The following CDH18 variants were observed in gnomAD, a reference collection of about 807,000 sequenced individuals.
CDH18 encodes cadherin-18.
In CDH18, 31 loss-of-function variants were observed where a neutral mutation model predicts 67.9. That is an observed-to-expected ratio of 0.46 (90% CI 0.34 to 0.62). The LOEUF (loss-of-function observed/expected upper bound fraction) is 0.62. CDH18 is among the 20% of genes least tolerant of loss of function. The pLI is 0.01. For missense variants in CDH18, 890 were observed against 975.5 expected, an observed-to-expected ratio of 0.91 and a Z score of 1.17; for synonymous variants, 362 against 347.2, an observed-to-expected ratio of 1.04 and a Z score of -0.48.
At chr5:20,221,503 T>C (rs556431214) in intron 2 of CDH18, among the ~76,000 whole-genome samples, 2 of 152,154 alleles carry the variant, frequency 1.3e-5, no homozygotes, top group Non-Finnish European at 2.9e-5. Flanking sequence ...GCGATGGTTA[T>C]TGGGTACAGA....
chr5:19,990,284 T>G (rs969352113), upstream of CDH18, among the ~76,000 whole-genome samples: 2 of 152,230 alleles, frequency 1.3e-5, no homozygotes, highest in African/African-American at 4.8e-5. Context: ...TTTATTTGAC[T>G]GCCTCTAGTT....
At chr5:19,795,260 G>A (rs1776743580) in intron 3 of CDH18, among the ~76,000 whole-genome samples, 2 of 152,100 alleles carry the variant, frequency 1.3e-5, no homozygotes, top group South Asian at 4.2e-4. Flanking sequence ...GGAAAGAGTT[G>A]ACAACAGTTA....
intron 2 of CDH18, among the ~76,000 whole-genome samples, chr5:20,019,888 G>C (rs1018258565): frequency 3.3e-5 from 5 of 152,206 alleles, no homozygotes; most frequent in African/African-American, 1.2e-4. Context: ...ATTAGGGAAA[G>C]TTTAGAATTT....
At chr5:19,823,007 G>A (rs1423817498) in intron 3 of CDH18, among the ~76,000 whole-genome samples, 1 of 152,160 alleles carries the variant, frequency 6.6e-6, no homozygotes, top group African/African-American at 2.4e-5. Context: ...GTTCCTTGCT[G>A]AGAAAAAGAA....
intron 5 of CDH18, among the ~76,000 whole-genome samples, chr5:19,701,586 TC>T (rs1050243250): frequency 4.4e-4 from 67 of 152,266 alleles, no homozygotes; most frequent in African/African-American, 1.6e-3. Flanking sequence ...AAAGTCTGGT[TC>T]CCCCGAAGTC....
intron 2 of CDH18, among the ~76,000 whole-genome samples, chr5:20,142,400 C>G (rs556292303): frequency 6.4e-4 from 97 of 151,728 alleles, no homozygotes; most frequent in South Asian, 4.0e-3. Context: ...GCCAACATGA[C>G]GAAACTCCGT....
chr5:19,969,048 C>G (rs1561652939), intron 2 of CDH18, among the ~76,000 whole-genome samples: 1 of 138,696 alleles, frequency 7.2e-6, no homozygotes, highest in Non-Finnish European at 1.5e-5. Context: ...TGAACAGACA[C>G]TTCTCAAAAG....
At chr5:20,530,252 A>G (rs528135339) in intron 1 of CDH18, among the ~76,000 whole-genome samples, 3 of 152,200 alleles carry the variant, frequency 2.0e-5, no homozygotes, top group South Asian at 2.1e-4. Context: ...AAGCAGGTGG[A>G]AAAACATTCT....
chr5:19,638,987 T>TTGTTTTTG (rs1561521102), intron 5 of CDH18, among the ~76,000 whole-genome samples: 17 of 84,562 alleles, frequency 2.0e-4, no homozygotes, highest in African/African-American at 8.5e-4. Flanking sequence ...GTTTTTTTTT[T>TTGTTTTTG]TTTTTTTTTT....
At chr5:20,539,659 ATATT>A (rs1363164261) in intron 1 of CDH18, among the ~76,000 whole-genome samples, 1 of 151,990 alleles carries the variant, frequency 6.6e-6, no homozygotes. Flanking sequence ...TCTAAATTAA[ATATT>A]TATTTTAGGT....
At chr5:20,443,073 A>G (rs1053849384) in intron 1 of CDH18, among the ~76,000 whole-genome samples, 1 of 149,146 alleles carries the variant, frequency 6.7e-6, no homozygotes, top group Non-Finnish European at 1.5e-5. Context: ...AGCCGGGCGT[A>G]GTGGCGGGCG....
chr5:20,296,826 C>T (rs1188764266), intron 1 of CDH18, among the ~76,000 whole-genome samples: 1 of 151,588 alleles, frequency 6.6e-6, no homozygotes, highest in South Asian at 2.1e-4. Flanking sequence ...AATAATATTA[C>T]TATGATATTT....
intron 8 of CDH18, among the ~76,000 whole-genome samples, chr5:19,566,640 C>T (rs1227150722): frequency 3.3e-5 from 5 of 152,058 alleles, no homozygotes; most frequent in African/African-American, 1.2e-4. Flanking sequence ...AGGAAACCGC[C>T]CCCACGATTC....
At chr5:20,516,277 C>T (rs1755359434) in intron 1 of CDH18, among the ~76,000 whole-genome samples, 1 of 151,794 alleles carries the variant, frequency 6.6e-6, no homozygotes, top group African/African-American at 2.4e-5. Context: ...TCTTTTATGA[C>T]CTTCTAAGCG....
rs573590829 is a variant in CDH18, at chr5:19,910,970, A to C, written c.-257+70090T>G. Among the ~76,000 whole-genome samples, 8 of 152,302 alleles carry C rather than the reference A, an allele frequency of 5.3e-5. No individual in the cohort carries two copies. In the South Asian group the frequency reaches 1.7e-3, roughly 32 times the overall value. ...ACATCTGAGCTGATGTGTTAAAGCTAAGTAGGTACCTACTGAGTAAGCAGA... is the reference window on the plus strand; with the variant it reads ...ACATCTGAGCTGATGTGTTAAAGCTCAGTAGGTACCTACTGAGTAAGCAGA... On this transcript the variant is annotated intron_variant, in intron 2 of 12. Coordinates refer to ENST00000382275, the MANE Select transcript of CDH18 (RefSeq NM_004934.5).
chr5:20,301,369 T>G (rs1279975757), intron 1 of CDH18, among the ~76,000 whole-genome samples: 1 of 152,218 alleles, frequency 6.6e-6, no homozygotes, highest in Non-Finnish European at 1.5e-5. Flanking sequence ...TCCATCTGAT[T>G]GCTAAGAAGT....
intron 8 of CDH18, among the ~76,000 whole-genome samples, chr5:19,565,996 A>C (rs1740318052): frequency 6.6e-6 from 1 of 152,128 alleles, no homozygotes; most frequent in Admixed American, 6.5e-5. Context: ...TAACCGGAAT[A>C]TAATTGAAGC....
intron 2 of CDH18, among the ~76,000 whole-genome samples, chr5:20,125,703 T>G (rs1321877248): frequency 1.3e-5 from 2 of 152,166 alleles, no homozygotes; most frequent in African/African-American, 4.8e-5. Flanking sequence ...ATGCATCAAT[T>G]TTTTTAAAAT....
chr5:19,693,492 A>G (rs1448720424), intron 5 of CDH18, among the ~76,000 whole-genome samples: 1 of 152,204 alleles, frequency 6.6e-6, no homozygotes, highest in Non-Finnish European at 1.5e-5. Context: ...CACTCTTCAT[A>G]TATCCATTCT....
Sources: gnomAD v4.1 joint callset for allele counts (sites outside exome capture counted in the v4.1 genomes callset) on GRCh38, gnomAD v4.1.1 for gene constraint, MANE v1.5 for transcripts, NCBI Gene and HGNC (gene_info 2026-07-23, HGNC 2026-07-21) for gene names.